The following RYR2 variants were observed in gnomAD, a reference collection of about 807,000 sequenced individuals.
RYR2 encodes the protein ryanodine receptor 2.
RYR2 carries 227 observed loss-of-function variants against 601.1 expected under a neutral mutation model. The ratio of observed to expected loss-of-function variants is 0.38; its 90% confidence interval spans 0.34 to 0.42. The LOEUF (loss-of-function observed/expected upper bound fraction) is 0.42. Among genes scored for constraint, RYR2 ranks in the 10% least tolerant of loss-of-function variants. The probability of loss-of-function intolerance (pLI) is 1.00; values close to 1 mark genes in which losing one functional copy is unlikely to be tolerated. For missense variants in RYR2, 4,646 were observed against 6,156.5 expected, an observed-to-expected ratio of 0.75 and a Z score of 8.21; for synonymous variants, 2,223 against 2,175.1, an observed-to-expected ratio of 1.02 and a Z score of -0.61.
intron 27 of RYR2, among the ~76,000 whole-genome samples, chr1:237,552,734 C>A (rs1353004445): frequency 6.6e-6 from 1 of 151,848 alleles, no homozygotes; most frequent in African/African-American, 2.4e-5. Flanking sequence ...CAGTGGCATT[C>A]CTTAAATAAT....
chr1:237,524,963 T>C (rs753361264), intron 24 of RYR2, among the ~76,000 whole-genome samples: 1 of 152,154 alleles, frequency 6.6e-6, no homozygotes, highest in Non-Finnish European at 1.5e-5. Context: ...TGTGCGTGTT[T>C]GTAACATAGG....
chr1:237,340,354 T>G (rs945913640), intron 3 of RYR2, among the ~76,000 whole-genome samples: 1 of 152,180 alleles, frequency 6.6e-6, no homozygotes, highest in Non-Finnish European at 1.5e-5. Context: ...TGAATAACAA[T>G]GCCTCCTTGC....
chr1:237,166,966 G>A (rs920750566), intron 1 of RYR2, among the ~76,000 whole-genome samples: 1 of 152,204 alleles, frequency 6.6e-6, no homozygotes, highest in Non-Finnish European at 1.5e-5. Flanking sequence ...GGGTTTGAAT[G>A]AAAATATGCT....
In RYR2 at chr1:237,369,487, T is replaced by C. The variant is rs1475904255; in HGVS notation, c.310-47T>C. ...TTTTATCAACTTGGTTAAGTTACTC[T>C]TTTGTGTTTTTCTCTCTTGTTCTCC... On this transcript the variant is annotated intron_variant, in intron 5 of 104. Transcript: ENST00000366574. 3 of 1,473,248 alleles carry C rather than the reference T, an allele frequency of 2.0e-6. No individual in the cohort carries two copies. The South Asian group carries it at 3.6e-5, about 18-fold the overall frequency. 91.3% of individuals were successfully genotyped at this position (1,473,248 alleles called of 1,614,324 possible).
intron 1 of RYR2, among the ~76,000 whole-genome samples, chr1:237,075,047 G>C (rs899399119): frequency 6.6e-6 from 1 of 152,146 alleles, no homozygotes; most frequent in Non-Finnish European, 1.5e-5. Context: ...GGAGGGCAGA[G>C]ACCCAAGCGC....
chr1:237,604,754 C>A lies in RYR2; in HGVS notation c.4683+2643C>A, dbSNP rs142097705. 4.8e-3 allele frequency among the ~76,000 whole-genome samples: 732 copies of A among 152,192 alleles called. 20 individuals carry two copies. Among genetic ancestry groups the A allele is most frequent in the Non-Finnish European group, 1.1e-3 (77 of 68,006 alleles). ...ACAAAGGGGATATCACCATCAATCC[C>A]ACAGAAATACAAACTACCATCAGAG... On this transcript the variant is annotated intron_variant, in intron 35 of 104. Coordinates refer to ENST00000366574, the MANE Select transcript of RYR2 (RefSeq NM_001035.3).
At chr1:237,452,077 T>TGTGTGTGTGTGTGTGTGTGTGTG (rs1553457209) in intron 14 of RYR2, among the ~76,000 whole-genome samples, 1 of 74,452 alleles carries the variant, frequency 1.3e-5, no homozygotes, top group East Asian at 4.5e-4. Context: ...ATATAAAATT[T>TGTGTGTGTGTGTGTGTGTGTGTG]TGTGTGTGTG....
chr1:237,055,875 C>G (rs1263481441), intron 1 of RYR2, among the ~76,000 whole-genome samples: 2 of 152,200 alleles, frequency 1.3e-5, no homozygotes, highest in Non-Finnish European at 2.9e-5. Flanking sequence ...GATTAGGACG[C>G]AGGTCCACAC....
intron 1 of RYR2, among the ~76,000 whole-genome samples, chr1:237,244,245 T>G (rs1686535211): frequency 6.6e-6 from 1 of 152,186 alleles, no homozygotes; most frequent in Non-Finnish European, 1.5e-5. Context: ...TTTAGAAATT[T>G]AGAAAATAAA....
In RYR2 at chr1:237,148,528, ATATAT is replaced by A. The variant is rs1296110940; in HGVS notation, c.48+105960_48+105964del. Among the ~76,000 whole-genome samples, 447 of 76,916 alleles carry A rather than the reference ATATAT, an allele frequency of 5.8e-3. 10 individuals are homozygous for A. The highest frequency in any genetic ancestry group is 0.018 in the African/African-American group (382 of 20,974). The allele number at this position is 76,916 out of a possible 152,430, so 50.5% of individuals were successfully genotyped here. A position where few individuals can be genotyped will look rare whatever the true frequency, so the allele number is the denominator to read the frequency against. On this transcript the variant is annotated intron_variant, in intron 1 of 104. Transcript: ENST00000366574. ...CAGAACTTCAAGTAAAAAAAAAAAA[ATATAT>A]ATATATATATATATATATATACACA... is the stretch of plus-strand genomic sequence containing the variant.
chr1:237,781,698 C>G, intron 89 of RYR2, 52 bp downstream of exon 89: 1 of 929,652 alleles, frequency 1.1e-6, no homozygotes, highest in South Asian at 1.5e-5. Flanking sequence ...TTTAAAGGAT[C>G]AGCATGGGCT....
chr1:237,149,758 C>T (rs530159246), intron 1 of RYR2, among the ~76,000 whole-genome samples: 1 of 151,522 alleles, frequency 6.6e-6, no homozygotes, highest in South Asian at 2.1e-4. Context: ...TTATCATTGG[C>T]TATCCTATTT....
At chr1:237,325,493 C>T (rs1696065930) in intron 2 of RYR2, among the ~76,000 whole-genome samples, 1 of 151,928 alleles carries the variant, frequency 6.6e-6, no homozygotes, top group Admixed American at 6.6e-5. Context: ...TCGAGACCAT[C>T]CTGGCTAACA....
chr1:237,657,398 A>G (rs1476139065), intron 53 of RYR2, among the ~76,000 whole-genome samples: 1 of 152,000 alleles, frequency 6.6e-6, no homozygotes, highest in East Asian at 1.9e-4. Context: ...TAGATTTATC[A>G]TCAGACTTGG....
intron 15 of RYR2, among the ~76,000 whole-genome samples, chr1:237,455,249 A>T (rs1226906600): frequency 1.3e-5 from 2 of 152,190 alleles, no homozygotes; most frequent in Non-Finnish European, 2.9e-5. Context: ...GGTTGATGGG[A>T]TAAATCAGGC....
chr1:237,328,270 C>T lies in RYR2; in HGVS notation c.169-2608C>T, dbSNP rs1004550441. On this transcript the variant is annotated intron_variant, in intron 2 of 104. Coordinates refer to ENST00000366574, the MANE Select transcript of RYR2 (RefSeq NM_001035.3). ...TAAATGAAATAAACACTTACATTAA[C>T]AGTTTTTTTTACATTAGCATTTGTC... is the stretch of plus-strand genomic sequence containing the variant. 2.6e-5 allele frequency among the ~76,000 whole-genome samples: 4 copies of T among 152,036 alleles called. No individual in the cohort carries two copies. In the East Asian group the frequency reaches 7.7e-4, roughly 29 times the overall value.
chr1:237,247,929 C>G (rs1351572468), intron 1 of RYR2, among the ~76,000 whole-genome samples: 1 of 152,016 alleles, frequency 6.6e-6, no homozygotes, highest in Non-Finnish European at 1.5e-5. Context: ...ACCTCAACTA[C>G]AAAACAGGAG....
At chr1:237,560,921 C>T (rs1266206054) in intron 27 of RYR2, among the ~76,000 whole-genome samples, 8 of 152,194 alleles carry the variant, frequency 5.3e-5, no homozygotes, top group South Asian at 2.1e-4. Flanking sequence ...CCAATCTGTT[C>T]GGTGCATGTG....
chr1:237,432,095 T>C (rs1706864207), intron 12 of RYR2, among the ~76,000 whole-genome samples: 1 of 133,360 alleles, frequency 7.5e-6, no homozygotes, highest in Admixed American at 7.7e-5. Flanking sequence ...TTTTAGCAAA[T>C]GGTCTTTTTT....
Sources: gnomAD v4.1 joint callset for allele counts (sites outside exome capture counted in the v4.1 genomes callset) on GRCh38, gnomAD v4.1.1 for gene constraint, MANE v1.5 for transcripts, NCBI Gene and HGNC (gene_info 2026-07-23, HGNC 2026-07-21) for gene names.